The following PHACTR2 variants were observed in gnomAD, a reference collection of about 807,000 sequenced individuals.
PHACTR2 encodes the protein phosphatase and actin regulator 2.
In PHACTR2, 30 loss-of-function variants were observed where a neutral mutation model predicts 76.0. The ratio of observed to expected loss-of-function variants is 0.39; its 90% CI spans 0.30 to 0.54. The LOEUF is 0.54. PHACTR2 is among the 20% of genes least tolerant of loss of function. The pLI is 0.61. For synonymous variants in PHACTR2, 292 were observed against 292.5 expected, an observed-to-expected ratio of 1.00 and a Z score of 0.02; for missense variants, 696 against 781.1, an observed-to-expected ratio of 0.89 and a Z score of 1.30.
In PHACTR2 at chr6:143,624,853, C is replaced by G. The variant is rs1776226103; in HGVS notation, c.13+16531C>G. Among the ~76,000 whole-genome samples, 1 of 152,040 alleles carries G rather than the reference C, an allele frequency of 6.6e-6. No individual in the cohort carries two copies. The highest frequency in any genetic ancestry group is 1.5e-5 in the Non-Finnish European group (1 of 68,018). On this transcript the variant is annotated intron_variant, in intron 1 of 11. Transcript: ENST00000305766. This position sits in a 1 kb window ranked among gnomAD's most constrained non-coding sequence, Gnocchi z 4.6. ...CAGAGATGGAGACCACAGCAAAGAG[C>G]TGATAAAGTATAGTCAAGGAGGCCG... is the stretch of plus-strand genomic sequence containing the variant.
chr6:143,655,157 CAAAA>C (rs151076366), intron 1 of PHACTR2, among the ~76,000 whole-genome samples: 2 of 99,092 alleles, frequency 2.0e-5, no homozygotes, highest in Admixed American at 1.1e-4. Flanking sequence ...AACTCCGTCT[CAAAA>C]AAAAAAAAAA....
intron 1 of PHACTR2, among the ~76,000 whole-genome samples, chr6:143,588,401 C>T (rs1345908442): frequency 1.3e-5 from 2 of 151,768 alleles, no homozygotes; most frequent in African/African-American, 4.8e-5. Flanking sequence ...TTACGGAAGC[C>T]CAACTGATCA....
At chr6:143,577,087 CTTCTT>C (rs1202293767) in intron 1 of PHACTR2, among the ~76,000 whole-genome samples, 1 of 151,980 alleles carries the variant, frequency 6.6e-6, no homozygotes, top group Non-Finnish European at 1.5e-5. Context: ...ATTAGATGAA[CTTCTT>C]TTGAGAAGTT....
intron 2 of PHACTR2, among the ~76,000 whole-genome samples, chr6:143,723,986 AGAGTCT>A (rs1260941375): frequency 6.7e-6 from 1 of 149,700 alleles, no homozygotes; most frequent in Non-Finnish European, 1.5e-5. Context: ...TTTTTGAGAC[AGAGTCT>A]TGCTGTGTCT....
At chr6:143,636,723 A>G (rs1776461702) in intron 1 of PHACTR2, among the ~76,000 whole-genome samples, 1 of 152,206 alleles carries the variant, frequency 6.6e-6, no homozygotes. Flanking sequence ...GCCATGAACA[A>G]TGAATTTTCA....
chr6:143,718,085 G>A (rs574788291), intron 2 of PHACTR2, among the ~76,000 whole-genome samples: 4 of 152,168 alleles, frequency 2.6e-5, no homozygotes, highest in African/African-American at 9.6e-5. Context: ...TCAATAAAAT[G>A]GAGACTTTTA....
At chr6:143,796,232 T>A (rs374784911) in intron 11 of PHACTR2, among the ~76,000 whole-genome samples, 2 of 152,250 alleles carry the variant, frequency 1.3e-5, no homozygotes, top group African/African-American at 4.8e-5. Context: ...GCATTGAACT[T>A]GATTGATGAG....
rs1546947 is a variant in PHACTR2 at position 143,782,424 on chromosome 6, C to A, written c.1646-795C>A. Among the ~76,000 whole-genome samples, 22 of 152,038 alleles carry A rather than the reference C, an allele frequency of 1.4e-4. No homozygotes were observed. The East Asian group carries it at 3.9e-3, about 27-fold the overall frequency. ...CTGATCAAACAGATGATCAGCTAAA[C>A]GAAGCAACAGAGAGATGTTCCTCAA... On this transcript the variant is annotated intron_variant, in intron 9 of 12. Transcript: ENST00000440869. The surrounding 1 kb of genome is among the most constrained non-coding windows in gnomAD (Gnocchi z 4.6).
chr6:143,637,669 A>G (rs1022345120), intron 1 of PHACTR2, among the ~76,000 whole-genome samples: 1 of 152,224 alleles, frequency 6.6e-6, no homozygotes. Context: ...ACTGGGGAAA[A>G]GGGACTGGTC....
At chr6:143,632,158 A>G (rs940600153) in intron 1 of PHACTR2, among the ~76,000 whole-genome samples, 11 of 152,212 alleles carry the variant, frequency 7.2e-5, no homozygotes, top group African/African-American at 1.7e-4. Flanking sequence ...ATCAACTACA[A>G]GGAGAGCCTC....
chr6:143,800,196 T>C lies in PHACTR2; in HGVS notation c.1846-6861T>C, dbSNP rs1284023267. On this transcript the variant is annotated intron_variant, in intron 11 of 12. Transcript: ENST00000440869. This position sits in a 1 kb window ranked among gnomAD's most constrained non-coding sequence, Gnocchi z 4.8. ...AAGTCTGTTTTATCAGAGACCAGGATTGCAACCTGTGCTATTTTTTTACTT... is the reference window on the plus strand; with the variant it reads ...AAGTCTGTTTTATCAGAGACCAGGACTGCAACCTGTGCTATTTTTTTACTT... Among the ~76,000 whole-genome samples the C allele has an allele frequency of 6.6e-6, 1 of 152,212 alleles. No individual in the cohort carries two copies. Among genetic ancestry groups the C allele is most frequent in the African/African-American group, 2.4e-5 (1 of 41,460 alleles).
upstream of PHACTR2, among the ~76,000 whole-genome samples, chr6:143,604,748 G>A (rs1018269815): frequency 4.6e-5 from 7 of 151,902 alleles, no homozygotes; most frequent in South Asian, 2.1e-4. Context: ...AGGCGGTGGT[G>A]ATTACAGGTG....
At chr6:143,778,282 C>G (rs931774937) in intron 9 of PHACTR2, among the ~76,000 whole-genome samples, 8 of 152,164 alleles carry the variant, frequency 5.3e-5, no homozygotes, top group Non-Finnish European at 1.2e-4. Flanking sequence ...TTATCTTGGC[C>G]TGCTAGAAGA....
rs189067240 is a variant in PHACTR2, at chr6:143,641,405, G to A, written c.13+33083G>A. Among the ~76,000 whole-genome samples the A allele has an allele frequency of 2.2e-4, 34 of 152,306 alleles. No homozygotes were observed. The East Asian group carries it at 3.7e-3, about 16-fold the overall frequency. ...GGAGGAAAGGAAGGATTCTCCTCCA[G>A]TGCCTTGAGAACGAGCACTGCCCTG... On this transcript the variant is annotated intron_variant, in intron 1 of 11. Coordinates refer to the PHACTR2 transcript ENST00000305766. The surrounding 1 kb of genome is among the most constrained non-coding windows in gnomAD (Gnocchi z 5.8).
At chr6:143,609,736 G>A (rs1015130567) in intron 1 of PHACTR2, among the ~76,000 whole-genome samples, 68 of 152,210 alleles carry the variant, frequency 4.5e-4, no homozygotes, top group African/African-American at 1.5e-3. Flanking sequence ...CTGGCAGAAC[G>A]ATCACTTTAA....
At chr6:143,631,780 C>T (rs955291262) in intron 1 of PHACTR2, among the ~76,000 whole-genome samples, 27 of 152,144 alleles carry the variant, frequency 1.8e-4, no homozygotes, top group Admixed American at 1.4e-3. Flanking sequence ...TTGAGCTTCT[C>T]GTAAAGTGGA....
intron 2 of PHACTR2, among the ~76,000 whole-genome samples, chr6:143,719,055 G>A (rs1778375459): frequency 6.6e-6 from 1 of 151,810 alleles, no homozygotes; most frequent in South Asian, 2.1e-4. Context: ...GCTAATTTTT[G>A]TATTTTTAAT....
At chr6:143,804,075 C>G (rs1776016113) in intron 11 of PHACTR2, among the ~76,000 whole-genome samples, 1 of 152,200 alleles carries the variant, frequency 6.6e-6, no homozygotes, top group African/African-American at 2.4e-5. Flanking sequence ...AATTTAGTGG[C>G]TTTTAAAACA....
At position 143,608,372 on chromosome 6, in the gene PHACTR2, C is replaced by T. The variant is rs1342198309; in HGVS notation, c.13+50C>T. On this transcript the variant is annotated intron_variant, in intron 1 of 11. Coordinates refer to the PHACTR2 transcript ENST00000305766. The surrounding 1 kb of genome is among the most constrained non-coding windows in gnomAD (Gnocchi z 4.6). The stretch of plus-strand genomic sequence containing the variant: ...TCATAGCTGCTGGCTTCCTTTGCAG[C>T]CCGCATCCTTTACTGCGGAAGGTTT... 1 of 1,597,604 alleles carries T rather than the reference C, an allele frequency of 6.3e-7. No individual in the cohort carries two copies. Among genetic ancestry groups the T allele is most frequent in the Non-Finnish European group, 8.6e-7 (1 of 1,165,270 alleles).
Sources: gnomAD v4.1 joint callset for allele counts (sites outside exome capture counted in the v4.1 genomes callset) on GRCh38, gnomAD v4.1.1 for gene constraint, Gnocchi (gnomAD v3.1) non-coding constraint, MANE v1.5 for transcripts, NCBI Gene and HGNC (gene_info 2026-07-23, HGNC 2026-07-21) for gene names.